KSR2: variants seen among roughly 807,000 people sequenced by gnomAD.
The protein encoded by KSR2 is kinase suppressor of ras 2.
A neutral mutation model predicts 107.8 loss-of-function variants in KSR2; 25 were observed. That is an observed-to-expected ratio of 0.23 (90% CI 0.17 to 0.32). The LOEUF (loss-of-function observed/expected upper bound fraction) is 0.32. KSR2 is among the 10% of genes least tolerant of loss of function. The probability of loss-of-function intolerance (pLI) is 1.00; values close to 1 mark genes in which losing one functional copy is unlikely to be tolerated. For synonymous variants in KSR2, 480 were observed against 507.0 expected, an observed-to-expected ratio of 0.95 and a Z score of 0.71; for missense variants, 887 against 1,268.9, an observed-to-expected ratio of 0.70 and a Z score of 4.57.
At chr12:117,942,562 C>T (rs1241388241) in intron 1 of KSR2, among the ~76,000 whole-genome samples, 2 of 149,052 alleles carry the variant, frequency 1.3e-5, no homozygotes, top group Non-Finnish European at 3.0e-5. Flanking sequence ...GATCATGGCT[C>T]ACTGCTGCCT....
chr12:117,518,073 C>A (rs1354699481), intron 14 of KSR2, among the ~76,000 whole-genome samples: 2 of 152,124 alleles, frequency 1.3e-5, no homozygotes. Flanking sequence ...ATTTAAAATG[C>A]TGTGCAAATG....
At chr12:117,740,614 T>C (rs1472486780) in intron 4 of KSR2, among the ~76,000 whole-genome samples, 1 of 112,146 alleles carries the variant, frequency 8.9e-6, no homozygotes, top group Admixed American at 1.1e-4. Flanking sequence ...ATGTAAAATA[T>C]ACATATATTA....
chr12:117,919,082 G>C lies in KSR2; in HGVS notation c.180+48994C>G, dbSNP rs557750759. On this transcript the variant is annotated intron_variant, in intron 1 of 19. Transcript: ENST00000339824. ...GAACCCAAGAGTTTAAGGCTGCAGT[G>C]AGCCATGATCATGCCACTGCACTCC... 5.9e-5 allele frequency among the ~76,000 whole-genome samples: 9 copies of C among 152,282 alleles called. No individual in the cohort carries two copies. The South Asian group carries it at 1.7e-3, about 28-fold the overall frequency.
chr12:117,788,880 G>T (rs562625490), intron 3 of KSR2, among the ~76,000 whole-genome samples: 5 of 152,304 alleles, frequency 3.3e-5, no homozygotes, highest in Admixed American at 1.3e-4. Flanking sequence ...AATATTCTAT[G>T]ATTCTCTCTC....
At chr12:117,637,554 T>G (rs1305497350) in intron 5 of KSR2, among the ~76,000 whole-genome samples, 1 of 152,130 alleles carries the variant, frequency 6.6e-6, no homozygotes, top group African/African-American at 2.4e-5. Context: ...TAGATTGATA[T>G]TTCCAACACT....
intron 5 of KSR2, among the ~76,000 whole-genome samples, chr12:117,596,826 T>C (rs1010436075): frequency 6.6e-6 from 1 of 152,230 alleles, no homozygotes; most frequent in African/African-American, 2.4e-5. Flanking sequence ...ATAAGGGTCA[T>C]AACAGGAGGA....
chr12:117,513,271 C>T (rs1279798029), intron 14 of KSR2, among the ~76,000 whole-genome samples: 2 of 152,178 alleles, frequency 1.3e-5, no homozygotes, highest in Non-Finnish European at 2.9e-5. Context: ...TCCCAGTGGT[C>T]AATCAATCCT....
intron 4 of KSR2, among the ~76,000 whole-genome samples, chr12:117,723,137 T>A (rs1425497248): frequency 6.6e-6 from 1 of 152,032 alleles, no homozygotes; most frequent in African/African-American, 2.4e-5. Context: ...ATCCTCACCA[T>A]TCACAAAGAG....
intron 14 of KSR2, among the ~76,000 whole-genome samples, chr12:117,497,517 G>A (rs1037804072): frequency 3.9e-5 from 6 of 152,064 alleles, no homozygotes; most frequent in African/African-American, 1.4e-4. Flanking sequence ...TTAGGATGAC[G>A]ACCATCTTTA....
chr12:117,468,953 C>T (rs1306292549), intron 19 of KSR2, among the ~76,000 whole-genome samples: 2 of 152,172 alleles, frequency 1.3e-5, no homozygotes, highest in South Asian at 4.1e-4. Flanking sequence ...AGTGTGCCAA[C>T]CATGAATACC....
At chr12:117,871,525 T>C (rs749517933) in intron 1 of KSR2, among the ~76,000 whole-genome samples, 3 of 149,792 alleles carry the variant, frequency 2.0e-5, no homozygotes, top group Admixed American at 2.0e-4. Flanking sequence ...GAGGCGGAGG[T>C]TGCAGTAAAC....
rs1411096007 is a variant in KSR2 at position 117,459,237 on chromosome 12, G to A, written c.*7962C>T. 6 of 152,202 alleles carry A rather than the reference G, an allele frequency of 3.9e-5. No homozygotes were observed. In the East Asian group the frequency reaches 1.2e-3, roughly 29 times the overall value. 9.4% of individuals were successfully genotyped at this position (152,202 alleles called of 1,614,324 possible). On this transcript the variant is annotated 3_prime_UTR_variant, in exon 20 of 20. Transcript: ENST00000339824. ...CTGTCCACCAACTACAGCCCAAATGGCTTGGCTTCTGGAAGTTTCTGAGGC... is the reference window on the plus strand; with the variant it reads ...CTGTCCACCAACTACAGCCCAAATGACTTGGCTTCTGGAAGTTTCTGAGGC...
chr12:117,813,737 T>C (rs1045924557), intron 3 of KSR2, among the ~76,000 whole-genome samples: 1 of 152,112 alleles, frequency 6.6e-6, no homozygotes, highest in Non-Finnish European at 1.5e-5. Context: ...AAACTACACA[T>C]AGAATTGCCA....
chr12:117,899,081 G>T (rs565387731), intron 1 of KSR2, among the ~76,000 whole-genome samples: 1 of 152,116 alleles, frequency 6.6e-6, no homozygotes, highest in Non-Finnish European at 1.5e-5. Flanking sequence ...ATATATCACT[G>T]ATACTTAATA....
intron 14 of KSR2, among the ~76,000 whole-genome samples, chr12:117,509,696 G>A (rs552544805): frequency 6.7e-4 from 102 of 152,238 alleles, no homozygotes; most frequent in Non-Finnish European, 6.5e-4. Flanking sequence ...TCCAAGTCCC[G>A]AAGGGCTGTG....
intron 1 of KSR2, among the ~76,000 whole-genome samples, chr12:117,930,655 C>T (rs1895668594): frequency 6.6e-6 from 1 of 152,136 alleles, no homozygotes; most frequent in South Asian, 2.1e-4. Context: ...GTGGCTCATG[C>T]CTATATTCCC....
At chr12:117,899,255 G>A (rs985069287) in intron 1 of KSR2, among the ~76,000 whole-genome samples, 3 of 152,100 alleles carry the variant, frequency 2.0e-5, no homozygotes, top group African/African-American at 4.8e-5. Context: ...CTCTTTGTGG[G>A]GCTGAGACTG....
At chr12:117,918,336 A>G in intron 1 of KSR2, among the ~76,000 whole-genome samples, 1 of 152,136 alleles carries the variant, frequency 6.6e-6, no homozygotes, top group East Asian at 1.9e-4. Flanking sequence ...ACTGCCCATC[A>G]CAGTATTCAA....
At chr12:117,758,169 A>G (rs533704080) in intron 4 of KSR2, among the ~76,000 whole-genome samples, 2 of 152,166 alleles carry the variant, frequency 1.3e-5, no homozygotes, top group African/African-American at 4.8e-5. Flanking sequence ...CCAAGGTCAA[A>G]AGGCTACTTC....
Sources: allele counts gnomAD v4.1 joint callset (sites outside exome capture counted in the v4.1 genomes callset), GRCh38; gene constraint gnomAD v4.1.1; transcripts MANE v1.5; gene names NCBI Gene and HGNC (gene_info 2026-07-23, HGNC 2026-07-21).